The following SLC8A1 variants were observed in gnomAD, a reference collection of about 807,000 sequenced individuals.
The protein encoded by SLC8A1 is sodium/calcium exchanger 1.
Under a neutral mutation model 68.3 loss-of-function variants are expected in SLC8A1, and 18 were observed. The observed-to-expected ratio is 0.26, with a 90% CI of 0.18 to 0.39. The LOEUF (loss-of-function observed/expected upper bound fraction) is 0.39, where lower values mean the gene tolerates loss of function less well. Among genes scored for constraint, SLC8A1 ranks in the 10% least tolerant of loss-of-function variants. The pLI, the probability that SLC8A1 is intolerant of heterozygous loss-of-function variation, is 1.00. For missense variants in SLC8A1, 985 were observed against 1,156.7 expected, an observed-to-expected ratio of 0.85 and a Z score of 2.15; for synonymous variants, 475 against 415.5, an observed-to-expected ratio of 1.14 and a Z score of -1.74.
intron 6 of SLC8A1, among the ~76,000 whole-genome samples, chr2:40,148,953 C>T (rs1573171933): frequency 6.6e-6 from 1 of 152,158 alleles, no homozygotes; most frequent in African/African-American, 2.4e-5. Flanking sequence ...TCTTGTCTCT[C>T]ATAAATAGTA....
chr2:40,279,882 AG>A (rs2067263103), intron 2 of SLC8A1, among the ~76,000 whole-genome samples: 1 of 152,202 alleles, frequency 6.6e-6, no homozygotes, highest in Non-Finnish European at 1.5e-5. Flanking sequence ...TTTAGTCTTC[AG>A]CTCTCCTACA....
At chr2:40,324,095 T>C (rs1044093577) in intron 2 of SLC8A1, among the ~76,000 whole-genome samples, 6 of 151,912 alleles carry the variant, frequency 3.9e-5, no homozygotes, top group South Asian at 2.1e-4. Flanking sequence ...ATGCGGCATA[T>C]AGTCACCCTA....
intron 2 of SLC8A1, among the ~76,000 whole-genome samples, chr2:40,424,742 A>G (rs1304876770): frequency 6.6e-6 from 1 of 151,764 alleles, no homozygotes; most frequent in Non-Finnish European, 1.5e-5. Context: ...TGATTTTTCA[A>G]CTCTGTACTT....
At chr2:40,135,582 G>C (rs2040357449) in intron 7 of SLC8A1, among the ~76,000 whole-genome samples, 1 of 152,116 alleles carries the variant, frequency 6.6e-6, no homozygotes, top group Admixed American at 6.5e-5. Context: ...GCTAGGCATG[G>C]TGGTATGTGC....
intron 2 of SLC8A1, among the ~76,000 whole-genome samples, chr2:40,291,089 T>C (rs546860612): frequency 2.0e-5 from 3 of 152,212 alleles, no homozygotes; most frequent in Admixed American, 6.5e-5. Flanking sequence ...GTACAAACTA[T>C]AGTTTTATTT....
At chr2:40,456,303 C>T (rs150558489), upstream of SLC8A1, among the ~76,000 whole-genome samples, 2,151 of 126,096 alleles carry the variant, frequency 0.017, 42 homozygotes, top group African/African-American at 0.06. Flanking sequence ...GTGGACAGAG[C>T]GAGACTCCGT....
intron 2 of SLC8A1, among the ~76,000 whole-genome samples, chr2:40,350,976 G>A (rs12995004): frequency 2.0e-5 from 3 of 151,996 alleles, no homozygotes; most frequent in South Asian, 2.1e-4. Context: ...GAGAAATGAC[G>A]GCAGCTCTGT....
exon 8 of SLC8A1, chr2:40,101,365 T>G (rs2033881541): frequency 6.6e-6 from 1 of 152,126 alleles, no homozygotes; most frequent in Middle Eastern, 3.2e-3. Context: ...ACTGTGTCAT[T>G]AAGTATAATT....
In SLC8A1 at chr2:40,451,737, T is replaced by TCACACACACACACACACACA. The variant is rs756970142; in HGVS notation, c.-25+147_-25+166dup. On this transcript the variant is annotated intron_variant, in intron 1 of 7. Coordinates refer to ENST00000406785, the Ensembl canonical transcript of SLC8A1. ...AATGTGCAGGCGCGCACACACCACATCACACACACACACACACACACACAC... is the reference window on the plus strand; with the variant it reads ...AATGTGCAGGCGCGCACACACCACATCACACACACACACACACACACACACACACACACACACACACACAC... 1.2e-3 allele frequency among the ~76,000 whole-genome samples: 154 copies of TCACACACACACACACACACA among 133,744 alleles called. 2 individuals are homozygous for TCACACACACACACACACACA. Among genetic ancestry groups the TCACACACACACACACACACA allele is most frequent in the African/African-American group, 2.3e-3 (81 of 35,682 alleles). 87.7% of individuals were successfully genotyped at this position (133,744 alleles called of 152,430 possible). A position where few individuals can be genotyped will look rare whatever the true frequency, so the allele number is the denominator to read the frequency against.
intron 1 of SLC8A1, among the ~76,000 whole-genome samples, chr2:40,500,032 GTGT>G (rs1705955212): frequency 6.6e-6 from 1 of 152,128 alleles, no homozygotes; most frequent in South Asian, 2.1e-4. Context: ...CTACATTAGT[GTGT>G]TGTTGTTTCT....
chr2:40,231,846 C>T (rs2059688094), intron 2 of SLC8A1, among the ~76,000 whole-genome samples: 2 of 152,098 alleles, frequency 1.3e-5, no homozygotes, highest in African/African-American at 2.4e-5. Flanking sequence ...TTTCAGCATT[C>T]TCATTTGAAT....
At chr2:40,241,508 C>T (rs1051184808) in intron 2 of SLC8A1, among the ~76,000 whole-genome samples, 2 of 152,210 alleles carry the variant, frequency 1.3e-5, no homozygotes, top group African/African-American at 4.8e-5. Context: ...ATTCCTTCCT[C>T]ACAGGTATTA....
At chr2:40,259,967 T>G (rs930348413) in intron 2 of SLC8A1, among the ~76,000 whole-genome samples, 1 of 152,176 alleles carries the variant, frequency 6.6e-6, no homozygotes, top group Non-Finnish European at 1.5e-5. Context: ...TGACCAAAAT[T>G]GTATGTGTTC....
At chr2:40,213,358 A>G (rs1361133355) in intron 2 of SLC8A1, 3 of 152,234 alleles carry the variant, frequency 2.0e-5, no homozygotes, top group Admixed American at 2.0e-4. Flanking sequence ...AGTGGATCCC[A>G]GAACCACCAA....
chr2:40,320,845 C>T (rs1350831896), intron 2 of SLC8A1, among the ~76,000 whole-genome samples: 1 of 152,100 alleles, frequency 6.6e-6, no homozygotes, highest in Non-Finnish European at 1.5e-5. Context: ...CTCTTCTTTC[C>T]TTGTAGCCTC....
At chr2:40,174,923 A>C in intron 3 of SLC8A1, 81 bp from the exon 5 acceptor site, 1 of 1,365,652 alleles carries the variant, frequency 7.3e-7, no homozygotes, top group Non-Finnish European at 1.0e-6. Flanking sequence ...ACTGCCTGAC[A>C]ACCCACCCAA....
chr2:40,429,436 C>A lies in SLC8A1; in HGVS notation c.845G>T (p.Arg282Met). The A allele has an allele frequency of 6.2e-7, 1 of 1,613,840 alleles. No individual in the cohort carries two copies. Among genetic ancestry groups the A allele is most frequent in the Middle Eastern group, 1.7e-4 (1 of 6,058 alleles). ...TTCAATTTCAGTCTTAGAAGATGGC[C>A]TGTCTCCTTCATGTTCAATAATCAT... The change falls in exon 2 of 8, where the codon AGG becomes ATG. Residue 282 changes from arginine to methionine, a missense_variant. Arg to Met is a moderately conservative substitution (Grantham distance 91, BLOSUM62 -1). Transcript: ENST00000406785.
chr2:40,206,867 C>G (rs944950553), intron 2 of SLC8A1, among the ~76,000 whole-genome samples: 11 of 151,886 alleles, frequency 7.2e-5, no homozygotes, highest in Non-Finnish European at 2.9e-5. Flanking sequence ...TTCTTAGATT[C>G]TTTTAAGAGG....
chr2:40,342,347 A>T (rs1667963012), intron 2 of SLC8A1, among the ~76,000 whole-genome samples: 1 of 149,290 alleles, frequency 6.7e-6, no homozygotes, highest in African/African-American at 2.6e-5. Flanking sequence ...GCTATTTGAC[A>T]TGTGCTCATT....
Sources: gnomAD v4.1 joint callset for allele counts (sites outside exome capture counted in the v4.1 genomes callset) on GRCh38, gnomAD v4.1.1 for gene constraint, MANE v1.5 for transcripts, NCBI Gene and HGNC (gene_info 2026-07-23, HGNC 2026-07-21) for gene names.